The following ZMYM6 variants were observed in gnomAD, a reference collection of about 807,000 sequenced individuals.
ZMYM6 encodes the protein zinc finger MYM-type protein 6.
ZMYM6 carries 90 observed loss-of-function variants against 134.0 expected under a neutral mutation model. The ratio of observed to expected loss-of-function variants is 0.67; its 90% confidence interval spans 0.57 to 0.80. ZMYM6 has a LOEUF of 0.80. Among genes scored for constraint, ZMYM6 ranks in the 30% least tolerant of loss-of-function variants. ZMYM6 has a pLI of 0.00. For missense variants in ZMYM6, 1,362 were observed against 1,533.9 expected, an observed-to-expected ratio of 0.89 and a Z score of 1.87; for synonymous variants, 481 against 524.1, an observed-to-expected ratio of 0.92 and a Z score of 1.12.
At chr1:35,023,609 T>C (rs1641350692) in intron 2 of ZMYM6, among the ~76,000 whole-genome samples, 1 of 151,860 alleles carries the variant, frequency 6.6e-6, no homozygotes, top group Admixed American at 6.5e-5. Context: ...AATGAGTGTT[T>C]AAGATTCAAT....
intron 2 of ZMYM6, among the ~76,000 whole-genome samples, chr1:35,021,108 GA>G (rs1231609975): frequency 2.9e-5 from 4 of 139,130 alleles, no homozygotes; most frequent in Middle Eastern, 3.5e-3. Flanking sequence ...GGTAATAAAT[GA>G]AAAAAAAAAT....
At chr1:35,004,652 T>TC (rs1252725972) in intron 13 of ZMYM6, among the ~76,000 whole-genome samples, 2 of 151,520 alleles carry the variant, frequency 1.3e-5, no homozygotes. Flanking sequence ...TAAAAACACT[T>TC]CCTTTCCCAT....
chr1:35,010,977 T>C lies in ZMYM6; in HGVS notation c.1122A>G (p.Gln374=), dbSNP rs370011930. The change falls in exon 9 of 16, where the codon CAA becomes CAG. Residue 374 remains glutamine (Q), a synonymous_variant. Coordinates refer to ENST00000357182, the MANE Select transcript of ZMYM6 (RefSeq NM_007167.4). ...NSSAVPLSQG[Q]VVVSPPSSRS... is the part of the protein sequence containing the mutation. ...TGGAGGAGGGCGGGCTTACAACCAC[T>C]TGGCCCTGAGACAGGGGCACCGCCG... 1.1e-5 allele frequency: 17 copies of C among 1,613,808 alleles called. No individual in the cohort carries two copies. The African/African-American group carries it at 2.0e-4, about 19-fold the overall frequency.
At chr1:35,015,282 G>T (rs1165186223) in intron 4 of ZMYM6, 120 bp from the exon 5 acceptor site, 1 of 971,174 alleles carries the variant, frequency 1.0e-6, no homozygotes, top group African/African-American at 1.7e-5. Flanking sequence ...AAAAGGATAA[G>T]GAATCTGCAA....
intron 12 of ZMYM6, among the ~76,000 whole-genome samples, chr1:35,006,526 C>A (rs1569766023): frequency 6.6e-6 from 1 of 152,260 alleles, no homozygotes; most frequent in East Asian, 1.9e-4. Context: ...TTTCTCCTTG[C>A]CTATAAGCAA....
rs1641033225 is a variant in ZMYM6, at chr1:35,008,774, T to C, written c.1643A>G (p.Lys548Arg). The change falls in exon 11 of 16, where the codon AAA (lysine) becomes AGA (arginine). Residue 548 changes from lysine to arginine, a missense_variant. Physicochemically the swap from Lys to Arg is conservative, Grantham distance 26. Around this residue, in one of 3 missense-constraint regions of ZMYM6, gnomAD observed 824 missense variants for 940.9 expected, o/e 0.88. Coordinates refer to ENST00000357182, the MANE Select transcript of ZMYM6 (RefSeq NM_007167.4). ...TACCTGATAAAACAGAACTGTAAAT[T>C]TGGACATACAATCTTCACAACAAAA... ...EEFCCEDCMS[K>R]FTVLFYQMAK... 6.2e-7 allele frequency: 1 copy of C among 1,613,808 alleles called. No homozygotes were observed. The highest frequency in any genetic ancestry group is 8.5e-7 in the Non-Finnish European group (1 of 1,179,924).
intron 13 of ZMYM6, among the ~76,000 whole-genome samples, chr1:35,004,250 A>G (rs1276162997): frequency 6.6e-6 from 1 of 152,174 alleles, no homozygotes; most frequent in Non-Finnish European, 1.5e-5. Flanking sequence ...TATTAAAATC[A>G]TGTGGGCTCC....
chr1:35,001,279 T>C lies in ZMYM6; in HGVS notation c.1992+2689A>G, dbSNP rs1296455561. Among the ~76,000 whole-genome samples the C allele has an allele frequency of 2.0e-5, 3 of 151,816 alleles. No homozygotes were observed. The East Asian group carries it at 5.8e-4, about 29-fold the overall frequency. ...TCTAAAACTGTCAGGTGTTTTTTTT[T>C]TTTTTTTTCACATTGTAAGAGCACT... On this transcript the variant is annotated intron_variant, in intron 14 of 15. Transcript: ENST00000357182.
intron 4 of ZMYM6, among the ~76,000 whole-genome samples, chr1:35,015,784 C>G (rs1641176062): frequency 7.3e-6 from 1 of 136,652 alleles, no homozygotes; most frequent in Non-Finnish European, 1.5e-5. Context: ...ATGCTGAAGA[C>G]AAAAATAGGA....
At chr1:35,019,280 C>T (rs925585490) in intron 4 of ZMYM6, 73 bp downstream of exon 4, 1 of 1,587,872 alleles carries the variant, frequency 6.3e-7, no homozygotes, top group Non-Finnish European at 8.6e-7. Context: ...AAAGTATCAA[C>T]AGTATGTTTG....
Position 35,008,797 on chromosome 1 carries a change from A to C in ZMYM6, c.1620T>G (p.Phe540Leu). ...ATTTGGACATACAATCTTCACAACAAAACTCTTCTAACTTGCCCTCCAATC... is the reference window on the plus strand; with the variant it reads ...ATTTGGACATACAATCTTCACAACACAACTCTTCTAACTTGCCCTCCAATC... ...ENRLEGKLEE[F>L]CCEDCMSKFT... Residue 540 changes from phenylalanine to leucine, a missense_variant, in exon 11 of 16, where the codon TTT becomes TTG. Physicochemically the swap from Phe to Leu is conservative, Grantham distance 22 (BLOSUM62 0). Transcript: ENST00000357182. 6.2e-7 allele frequency: 1 copy of C among 1,614,144 alleles called. No homozygotes were observed. Among genetic ancestry groups the C allele is most frequent in the Non-Finnish European group, 8.5e-7 (1 of 1,180,000 alleles).
At chr1:35,031,385 A>G (rs1641522163) in intron 1 of ZMYM6, 2 of 152,254 alleles carry the variant, frequency 1.3e-5, no homozygotes, top group African/African-American at 2.4e-5. Context: ...CCCTTCCCCT[A>G]AAAGTCAAAG....
chr1:34,989,390 A>G, intron 15 of ZMYM6: 2 of 303,634 alleles, frequency 6.6e-6, no homozygotes, highest in Non-Finnish European at 9.3e-6. Flanking sequence ...AAAAAAAAAA[A>G]GAAGAAGAAA....
chr1:35,023,396 T>A (rs1641347802), intron 2 of ZMYM6, among the ~76,000 whole-genome samples: 1 of 151,942 alleles, frequency 6.6e-6, no homozygotes, highest in Admixed American at 6.6e-5. Flanking sequence ...CGTGAGCCAC[T>A]GCACCTGGCC....
At chr1:35,013,643 GA>G (rs1471240401) in intron 6 of ZMYM6, 13 of 985,074 alleles carry the variant, frequency 1.3e-5, no homozygotes, top group Non-Finnish European at 1.6e-5. Flanking sequence ...CTTGCTAACT[GA>G]AAAAAAGTTT....
At position 35,013,253 on chromosome 1, in the gene ZMYM6, A is replaced by G. The variant is rs1231801618; in HGVS notation, c.796-672T>C. 6.4e-6 allele frequency: 5 copies of G among 779,006 alleles called. No individual in the cohort carries two copies. The African/African-American group carries it at 9.4e-5, about 15-fold the overall frequency. The allele number at this position is 779,006 out of a possible 1,614,324, so 48.3% of individuals were successfully genotyped here. A position where few individuals can be genotyped will look rare whatever the true frequency, so the allele number is the denominator to read the frequency against. On this transcript the variant is annotated intron_variant, in intron 6 of 15. Coordinates refer to ENST00000357182, the MANE Select transcript of ZMYM6 (RefSeq NM_007167.4). ...GCGCTCTCAAAAATTACATTAACAAAAAGTTTAAATTAACAGATGAGCAGA... is the reference window on the plus strand; with the variant it reads ...GCGCTCTCAAAAATTACATTAACAAGAAGTTTAAATTAACAGATGAGCAGA...
At position 35,011,984 on chromosome 1, in the gene ZMYM6, C is replaced by T. The variant is rs1233346312; in HGVS notation, c.968G>A (p.Ser323Asn). Reference sequence around the variant, plus strand: ...CTGAGGGATTGCTGAGGTTTTACAACTATGACATGAAACCTGGACACCTTG... The same window carrying T: ...CTGAGGGATTGCTGAGGTTTTACAATTATGACATGAAACCTGGACACCTTG... ...TSSGVQVSCHSCKTSAIPQYH... is the reference protein window; with the variant it reads ...TSSGVQVSCHNCKTSAIPQYH... The change falls in exon 8 of 16, where the codon AGT becomes AAT. Residue 323 changes from serine to asparagine, a missense_variant. Around this residue, in one of 3 missense-constraint regions of ZMYM6, gnomAD observed 503 missense variants for 520.8 expected, o/e 0.97. Transcript: ENST00000357182. 11 of 1,605,446 alleles carry T rather than the reference C, an allele frequency of 6.9e-6. No individual in the cohort carries two copies. The highest frequency in any genetic ancestry group is 9.4e-6 in the Non-Finnish European group (11 of 1,175,042).
intron 15 of ZMYM6, among the ~76,000 whole-genome samples, chr1:34,991,727 G>A (rs1640677380): frequency 1.3e-5 from 2 of 152,008 alleles, no homozygotes; most frequent in African/African-American, 2.4e-5. Flanking sequence ...CCAAGATCAC[G>A]CTATTGCACT....
chr1:35,012,261 G>T (rs77285054), intron 7 of ZMYM6, among the ~76,000 whole-genome samples, 170 bp downstream of exon 7: 2,668 of 152,064 alleles, frequency 0.018, 92 homozygotes, highest in African/African-American at 0.062. Flanking sequence ...TTGCAACCAA[G>T]AAAATCGGGG....
Sources: allele counts gnomAD v4.1 joint callset (sites outside exome capture counted in the v4.1 genomes callset), GRCh38; gene constraint gnomAD v4.1.1; regional missense constraint gnomAD v4.1.1; transcripts MANE v1.5; gene names NCBI Gene and HGNC (gene_info 2026-07-23, HGNC 2026-07-21).